Variants in ST8SIA6 observed in about 807,000 individuals in gnomAD.
ST8SIA6 encodes the protein alpha-2,8-sialyltransferase 8F.
Under a neutral mutation model 33.6 loss-of-function variants are expected in ST8SIA6, and 39 were observed. That is an observed-to-expected ratio of 1.16 (90% CI 0.90 to 1.52). The LOEUF (loss-of-function observed/expected upper bound fraction) is 1.52. ST8SIA6 is among the 40% of genes most tolerant of loss of function. The pLI, the probability that ST8SIA6 is intolerant of heterozygous loss-of-function variation, is 0.00. For missense variants in ST8SIA6, 441 were observed against 443.8 expected, an observed-to-expected ratio of 0.99 and a Z score of 0.06; for synonymous variants, 172 against 167.2, an observed-to-expected ratio of 1.03 and a Z score of -0.22.
rs190107991 is a variant in ST8SIA6 at position 17,341,654 on chromosome 10, G to C, written c.378-10102C>G. 5.9e-4 allele frequency among the ~76,000 whole-genome samples: 90 copies of C among 151,862 alleles called. 1 individual carries two copies. In the East Asian group the frequency reaches 0.017, roughly 29 times the overall value. On this transcript the variant is annotated intron_variant, in intron 4 of 7. Transcript: ENST00000377602. ...GGTGGCTTATGCCTGTAATCCCAGC[G>C]CTTTGGGAGGCTGAGGCAGGAGGAT...
chr10:17,435,031 C>T (rs150615880), intron 2 of ST8SIA6, among the ~76,000 whole-genome samples: 1 of 152,320 alleles, frequency 6.6e-6, no homozygotes, highest in Non-Finnish European at 1.5e-5. Flanking sequence ...TGGCCTGGGG[C>T]CTAAATTACA....
chr10:17,451,889 G>C (rs1403103712), intron 2 of ST8SIA6, among the ~76,000 whole-genome samples: 1 of 152,066 alleles, frequency 6.6e-6, no homozygotes, highest in Non-Finnish European at 1.5e-5. Context: ...TAATAAAATG[G>C]GCCATATTCA....
chr10:17,323,901 A>G (rs1848043795), intron 6 of ST8SIA6, among the ~76,000 whole-genome samples: 1 of 152,182 alleles, frequency 6.6e-6, no homozygotes, highest in African/African-American at 2.4e-5. Context: ...CTAAAGTTAT[A>G]CAGTCTGCCA....
chr10:17,372,445 T>C (rs1849766720), intron 3 of ST8SIA6, among the ~76,000 whole-genome samples: 1 of 152,192 alleles, frequency 6.6e-6, no homozygotes, highest in African/African-American at 2.4e-5. Context: ...TAGAATTTTA[T>C]CCAAATCCCA....
intron 2 of ST8SIA6, among the ~76,000 whole-genome samples, chr10:17,419,515 G>A (rs1485514480): frequency 6.7e-6 from 1 of 150,142 alleles, no homozygotes; most frequent in Non-Finnish European, 1.5e-5. Flanking sequence ...GGGCAACAGG[G>A]CAAGACTCTG....
At chr10:17,380,473 T>C (rs1850090041) in intron 3 of ST8SIA6, among the ~76,000 whole-genome samples, 2 of 152,154 alleles carry the variant, frequency 1.3e-5, no homozygotes, top group African/African-American at 4.8e-5. Context: ...AACCCTAAAT[T>C]ATGGGGAACA....
rs188355419 is a variant in ST8SIA6 at position 17,318,576 on chromosome 10, G to A, written c.*2302C>T. 3 of 431,730 alleles carry A rather than the reference G, an allele frequency of 6.9e-6. No homozygotes were observed. The highest frequency in any genetic ancestry group is 2.7e-5 in the Admixed American group (1 of 36,682). The allele number at this position is 431,730 out of a possible 1,614,324, so 26.7% of individuals were successfully genotyped here. A position where few individuals can be genotyped will look rare whatever the true frequency, so the allele number is the denominator to read the frequency against. On this transcript the variant is annotated 3_prime_UTR_variant, in exon 8 of 8. Coordinates refer to ENST00000377602, the MANE Select transcript of ST8SIA6 (RefSeq NM_001004470.3). Reference sequence around the variant, plus strand: ...CTTTCCATTCTCAATGCCCTTAGATGTACTTGAGTTTTAAGAGCAGAAGAT... The same window carrying A: ...CTTTCCATTCTCAATGCCCTTAGATATACTTGAGTTTTAAGAGCAGAAGAT...
chr10:17,421,294 G>A lies in ST8SIA6; in HGVS notation c.201-30674C>T, dbSNP rs540258763. On this transcript the variant is annotated intron_variant, in intron 2 of 7. Transcript: ENST00000377602. Reference sequence around the variant, plus strand: ...TAGGATCTATCTGTCTTCTCCTGCTGCTTAGTCCTGTTTCCCTCATGGGCA... The same window carrying A: ...TAGGATCTATCTGTCTTCTCCTGCTACTTAGTCCTGTTTCCCTCATGGGCA... 2.0e-5 allele frequency among the ~76,000 whole-genome samples: 3 copies of A among 152,330 alleles called. No homozygotes were observed. The South Asian group carries it at 6.2e-4, about 32-fold the overall frequency.
At chr10:17,342,015 T>C (rs572907085) in intron 4 of ST8SIA6, among the ~76,000 whole-genome samples, 1 of 151,552 alleles carries the variant, frequency 6.6e-6, no homozygotes, top group South Asian at 2.1e-4. Context: ...GGCACCCTGA[T>C]CTTATACTTC....
At chr10:17,414,825 T>G (rs892896775) in intron 2 of ST8SIA6, among the ~76,000 whole-genome samples, 3 of 152,214 alleles carry the variant, frequency 2.0e-5, no homozygotes, top group Non-Finnish European at 4.4e-5. Context: ...CATTTGAGAC[T>G]GTGGCTTCAA....
At chr10:17,389,874 C>T (rs761819889) in intron 3 of ST8SIA6, among the ~76,000 whole-genome samples, 38 of 152,060 alleles carry the variant, frequency 2.5e-4, no homozygotes, top group Admixed American at 2.6e-4. Context: ...CCAGGCTGGA[C>T]GAAGTGGTGC....
intron 2 of ST8SIA6, among the ~76,000 whole-genome samples, chr10:17,422,339 C>G (rs563020357): frequency 1.6e-4 from 24 of 152,272 alleles, no homozygotes; most frequent in South Asian, 2.1e-4. Context: ...AGCACCTCCC[C>G]CCTCCCACAA....
intron 4 of ST8SIA6, among the ~76,000 whole-genome samples, chr10:17,349,805 C>T (rs992745157): frequency 6.6e-6 from 1 of 152,106 alleles, no homozygotes; most frequent in African/African-American, 2.4e-5. Context: ...TACTCCCCAG[C>T]CCTTTCCAAC....
intron 6 of ST8SIA6, among the ~76,000 whole-genome samples, chr10:17,324,867 G>A (rs1262351356): frequency 3.5e-5 from 5 of 144,186 alleles, no homozygotes; most frequent in Admixed American, 7.0e-5. Context: ...TATATAATAT[G>A]CATATATGTA....
intron 3 of ST8SIA6, among the ~76,000 whole-genome samples, chr10:17,374,764 T>TATATATATATATATATATATATAC (rs1441288579): frequency 3.9e-5 from 5 of 126,854 alleles, no homozygotes; most frequent in African/African-American, 1.2e-4. Context: ...TATATATATA[T>TATATATATATATATATATATATAC]ATATTTAGCT....
chr10:17,447,597 G>A (rs1480483606), intron 2 of ST8SIA6, among the ~76,000 whole-genome samples: 2 of 151,866 alleles, frequency 1.3e-5, no homozygotes, highest in East Asian at 3.9e-4. Context: ...ACAAAGAACT[G>A]AAGAAATGAG....
chr10:17,347,726 G>C (rs151009840), intron 4 of ST8SIA6, among the ~76,000 whole-genome samples: 221 of 152,150 alleles, frequency 1.5e-3, no homozygotes, highest in African/African-American at 5.1e-3. Flanking sequence ...ACGAGGTCAC[G>C]AGATCGAGAC....
intron 2 of ST8SIA6, among the ~76,000 whole-genome samples, chr10:17,431,736 GA>G (rs113184112): frequency 2.1e-3 from 251 of 118,844 alleles, no homozygotes; most frequent in Middle Eastern, 5.0e-3. Context: ...TCTTCGTTTG[GA>G]AAAAAAAAAA....
Position 17,411,050 on chromosome 10 carries a change from A to G in ST8SIA6, c.201-20430T>C, listed in dbSNP as rs144762451. 5.7e-4 allele frequency among the ~76,000 whole-genome samples: 87 copies of G among 152,312 alleles called. No homozygotes were observed. The East Asian group carries it at 0.016, about 28-fold the overall frequency. On this transcript the variant is annotated intron_variant, in intron 2 of 7. Transcript: ENST00000377602. ...CAACAAGGAAACACACAAAACAGTGATCCTCAAAAAAGATGGAATAAAATT... is the reference window on the plus strand; with the variant it reads ...CAACAAGGAAACACACAAAACAGTGGTCCTCAAAAAAGATGGAATAAAATT...
Sources: allele counts gnomAD v4.1 joint callset (sites outside exome capture counted in the v4.1 genomes callset), GRCh38; gene constraint gnomAD v4.1.1; transcripts MANE v1.5; gene names NCBI Gene and HGNC (gene_info 2026-07-23, HGNC 2026-07-21).